The following CC2D2B variants were observed in gnomAD, a reference collection of about 807,000 sequenced individuals.
CC2D2B encodes protein CC2D2B.
Under a neutral mutation model 161.2 loss-of-function variants are expected in CC2D2B, and 128 were observed. The ratio of observed to expected loss-of-function variants is 0.79; its 90% CI spans 0.69 to 0.92. CC2D2B has a LOEUF of 0.92. Ranked by LOEUF, CC2D2B falls within the 40% of genes least tolerant of loss-of-function variation. The pLI is 0.00. For synonymous variants in CC2D2B, 391 were observed against 449.8 expected (o/e 0.87, Z 1.65); for missense variants, 1,173 against 1,375.1 (o/e 0.85, Z 2.32).
chr10:95,935,661 C>T (rs1184417464), intron 6 of CC2D2B, among the ~76,000 whole-genome samples: 1 of 152,132 alleles, frequency 6.6e-6, no homozygotes, highest in African/African-American at 2.4e-5. Context: ...TTCTCATTTA[C>T]AGCAAGCTCC....
At chr10:95,968,699 AT>A (rs1365028838) in intron 14 of CC2D2B, 24 bp from the exon 15 acceptor site, 2 of 1,050,556 alleles carry the variant, frequency 1.9e-6, no homozygotes, top group African/African-American at 3.3e-5. Context: ...TTTAAGGGTG[AT>A]TTAAAGGTTT....
chr10:96,019,429 T>C (rs1272934369), intron 31 of CC2D2B, 92 bp downstream of exon 31: 6 of 1,252,426 alleles, frequency 4.8e-6, no homozygotes, highest in African/African-American at 3.0e-5. Context: ...TAAATATAGA[T>C]AGTCTATCAG....
intron 22 of CC2D2B, 144 bp downstream of exon 22, chr10:95,992,841 CAT>C (rs1296757405): frequency 1.5e-5 from 8 of 519,132 alleles, no homozygotes; most frequent in Non-Finnish European, 2.4e-5. Flanking sequence ...TCTTCATTTG[CAT>C]AGTCATACCT....
At chr10:96,003,931 C>T (rs949407017) in intron 24 of CC2D2B, among the ~76,000 whole-genome samples, 4 of 152,140 alleles carry the variant, frequency 2.6e-5, no homozygotes, top group Admixed American at 6.5e-5. Flanking sequence ...AACACTTAAA[C>T]ATTTTTATTT....
chr10:96,026,194 A>G (rs2079766970), intron 33 of CC2D2B, among the ~76,000 whole-genome samples: 1 of 152,180 alleles, frequency 6.6e-6, no homozygotes, highest in African/African-American at 2.4e-5. Flanking sequence ...ACCTTCCTCT[A>G]TAACATACAC....
At chr10:96,024,253 G>GTA (rs2079593280) in intron 32 of CC2D2B, among the ~76,000 whole-genome samples, 1 of 152,034 alleles carries the variant, frequency 6.6e-6, no homozygotes, top group African/African-American at 2.4e-5. Flanking sequence ...GCATGTGTGT[G>GTA]TGTGTGTGTG....
At chr10:95,980,750 T>G (rs1410643906) in intron 17 of CC2D2B, among the ~76,000 whole-genome samples, 1 of 152,200 alleles carries the variant, frequency 6.6e-6, no homozygotes, top group African/African-American at 2.4e-5. Context: ...CAAAGAAATA[T>G]GAACAAATGG....
At chr10:95,923,724 A>T (rs75466035) in intron 3 of CC2D2B, among the ~76,000 whole-genome samples, 6,191 of 152,232 alleles carry the variant, frequency 0.041, 154 homozygotes, top group Non-Finnish European at 0.056. Flanking sequence ...TTAAAAATTT[A>T]AAAAAGAGGG....
At position 96,033,634 on chromosome 10, in the gene CC2D2B, C is replaced by G. The variant is rs1475821091; in HGVS notation, c.*1626C>G. 1.3e-5 allele frequency among the ~76,000 whole-genome samples: 2 copies of G among 152,114 alleles called. No individual in the cohort carries two copies. The highest frequency in any genetic ancestry group is 2.9e-5 in the Non-Finnish European group (2 of 68,018). On this transcript the variant is annotated 3_prime_UTR_variant, in exon 35 of 35. Coordinates refer to ENST00000646931, the MANE Select transcript of CC2D2B (RefSeq NM_001349008.3). ...GTTCAGGGTTTTTAGAATTGATAGA[C>G]TGCTTAAGAGTAGGGTAGCAAGTGT...
At position 95,961,956 on chromosome 10, in the gene CC2D2B, T is replaced by C. The variant is rs1289517310; in HGVS notation, c.1237T>C (p.Leu413=). The C allele has an allele frequency of 8.1e-7, 1 of 1,231,212 alleles. No individual in the cohort carries two copies. Among genetic ancestry groups the C allele is most frequent in the Non-Finnish European group, 1.0e-6 (1 of 987,336 alleles). 76.3% of individuals were successfully genotyped at this position (1,231,212 alleles called of 1,614,324 possible). A position where few individuals can be genotyped will look rare whatever the true frequency, so the allele number is the denominator to read the frequency against. ...AGGGTTTACAAGCACCCCAATAAAGTTACAGGTTCAGAGGTAAGTGGCTGC... is the reference window on the plus strand; with the variant it reads ...AGGGTTTACAAGCACCCCAATAAAGCTACAGGTTCAGAGGTAAGTGGCTGC... ...GQGFTSTPIK[L]QVQRIKMNKC... Residue 413 remains leucine (L), a synonymous_variant, in exon 12 of 35, where the codon TTA becomes CTA. Coordinates refer to ENST00000646931, the MANE Select transcript of CC2D2B (RefSeq NM_001349008.3).
Position 95,937,978 on chromosome 10 carries a change from T to C in CC2D2B, c.337-13T>C, listed in dbSNP as rs1409288132. 6.8e-7 allele frequency: 1 copy of C among 1,461,328 alleles called. No individual in the cohort carries two copies. The highest frequency in any genetic ancestry group is 1.3e-5 in the South Asian group (1 of 79,932). The allele number at this position is 1,461,328 out of a possible 1,614,324, so 90.5% of individuals were successfully genotyped here. On this transcript the variant is annotated splice_polypyrimidine_tract_variant and intron_variant, in intron 6 of 34. Transcript: ENST00000646931. ...AAGCATGTAAACTTATTTTCCTTTT[T>C]GGTATTCAACAGAGACCAGTAAACC...
chr10:96,019,398 C>A lies in CC2D2B; in HGVS notation c.3765+61C>A, dbSNP rs375296372. 11 of 1,445,818 alleles carry A rather than the reference C, an allele frequency of 7.6e-6. No homozygotes were observed. In the African/African-American group the frequency reaches 1.6e-4, roughly 21 times the overall value. The allele number at this position is 1,445,818 out of a possible 1,614,324, so 89.6% of individuals were successfully genotyped here. ...CCTCTAGAGTCACCCTGGCTACACA[C>A]TAGAATCACCTGGGGAACTTTAAAT... On this transcript the variant is annotated intron_variant, in intron 31 of 34. Transcript: ENST00000646931.
chr10:95,968,816 C>G lies in CC2D2B; in HGVS notation c.1559C>G (p.Ser520Cys). ...NNKQVSCTSV[S>C]PLQFDFKVMF... ...AAACAGGTTTCTTGTACTTCAGTAT[C>G]TCCCCTACAGTTTGATTTTAAAGTC... The change falls in exon 15 of 35, where the codon TCT (serine) becomes TGT (cysteine). Residue 520 changes from serine (S) to cysteine (C), a missense_variant. This residue lies in a region of CC2D2B where 277 missense variants were observed against 420.6 expected (regional missense o/e 0.66). Coordinates refer to ENST00000646931, the MANE Select transcript of CC2D2B (RefSeq NM_001349008.3). 1 of 1,204,380 alleles carries G rather than the reference C, an allele frequency of 8.3e-7. No individual in the cohort carries two copies. Among genetic ancestry groups the G allele is most frequent in the Non-Finnish European group, 1.0e-6 (1 of 962,844 alleles). 74.6% of individuals were successfully genotyped at this position (1,204,380 alleles called of 1,614,324 possible).
Position 95,983,700 on chromosome 10 carries a change from A to G in CC2D2B, c.2177A>G (p.Lys726Arg). ...FNFVSEEEMA[K>R]SKRFQLLQLR... ...TTCGTTTCTGAAGAGGAAATGGCAA[A>G]GAGTAAACGTTTCCAGCTATTGCAA... is the stretch of plus-strand genomic sequence containing the variant. The change falls in exon 19 of 35, where the codon AAG becomes AGG. Residue 726 changes from lysine to arginine, a missense_variant. Around this residue, in one of 3 missense-constraint regions of CC2D2B, gnomAD observed 277 missense variants for 420.6 expected, o/e 0.66. Transcript: ENST00000646931. 8.1e-7 allele frequency: 1 copy of G among 1,231,032 alleles called. No homozygotes were observed. The highest frequency in any genetic ancestry group is 1.0e-6 in the Non-Finnish European group (1 of 987,038). The allele number at this position is 1,231,032 out of a possible 1,614,324, so 76.3% of individuals were successfully genotyped here.
At chr10:95,958,151 A>G (rs1286918253) in intron 11 of CC2D2B, among the ~76,000 whole-genome samples, 1 of 152,042 alleles carries the variant, frequency 6.6e-6, no homozygotes, top group African/African-American at 2.4e-5. Context: ...CAAAGAACTA[A>G]AGAAAGATGT....
At chr10:95,926,022 A>T (rs11819349) in intron 5 of CC2D2B, among the ~76,000 whole-genome samples, 42,612 of 151,322 alleles carry the variant, frequency 0.28, 6,526 homozygotes, top group African/African-American at 0.4. Context: ...TTTTTTTTTT[A>T]AATTTATCTT....
intron 34 of CC2D2B, 86 bp from the exon 35 acceptor site, chr10:96,031,734 G>C: frequency 1.7e-6 from 2 of 1,189,166 alleles, no homozygotes; most frequent in Admixed American, 2.0e-5. Context: ...CTATTTCTTT[G>C]AGGCTTTTGT....
intron 6 of CC2D2B, among the ~76,000 whole-genome samples, chr10:95,937,638 CATGGT>C (rs542968093): frequency 6.4e-4 from 98 of 151,952 alleles, no homozygotes; most frequent in South Asian, 4.8e-3. Context: ...TTTAGGGTCA[CATGGT>C]CTGGTATCTT....
chr10:95,950,202 A>G lies in CC2D2B; in HGVS notation c.1011+97A>G, dbSNP rs180990246. 28 of 396,802 alleles carry G rather than the reference A, an allele frequency of 7.1e-5. 2 individuals carry two copies. The highest frequency in any genetic ancestry group is 4.1e-4 in the African/African-American group (20 of 48,682). 24.6% of individuals were successfully genotyped at this position (396,802 alleles called of 1,614,324 possible). On this transcript the variant is annotated intron_variant, in intron 10 of 34. Coordinates refer to ENST00000646931, the MANE Select transcript of CC2D2B (RefSeq NM_001349008.3). Reference sequence around the variant, plus strand: ...TTATCAGAACATTTTCTAAATATTTAAGTAGAACAATGGTTCAATTTCAGT... The same window carrying G: ...TTATCAGAACATTTTCTAAATATTTGAGTAGAACAATGGTTCAATTTCAGT...
Sources: allele counts gnomAD v4.1 joint callset (sites outside exome capture counted in the v4.1 genomes callset), GRCh38; gene constraint gnomAD v4.1.1; regional missense constraint gnomAD v4.1.1; transcripts MANE v1.5; gene names NCBI Gene and HGNC (gene_info 2026-07-23, HGNC 2026-07-21).